IARS1: variants seen among roughly 807,000 people sequenced by gnomAD.
The protein encoded by IARS1 is isoleucine--tRNA ligase, cytoplasmic.
In IARS1, 124 loss-of-function variants were observed where a neutral mutation model predicts 168.2. That is an observed-to-expected ratio of 0.74 (90% CI 0.64 to 0.86). The LOEUF (loss-of-function observed/expected upper bound fraction) is 0.86, where lower values mean the gene tolerates loss of function less well. Ranked by LOEUF, IARS1 falls within the 40% of genes least tolerant of loss-of-function variation. The pLI, the probability that IARS1 is intolerant of heterozygous loss-of-function variation, is 0.00. For missense variants in IARS1, 1,452 were observed against 1,515.8 expected, an observed-to-expected ratio of 0.96 and a Z score of 0.70; for synonymous variants, 532 against 529.4, an observed-to-expected ratio of 1.00 and a Z score of -0.07.
intron 26 of IARS1, among the ~76,000 whole-genome samples, chr9:92,246,462 T>C (rs1829216568): frequency 6.6e-6 from 1 of 152,206 alleles, no homozygotes; most frequent in Non-Finnish European, 1.5e-5. Flanking sequence ...AAATGCTCTG[T>C]ATAGGGGTAG....
intron 33 of IARS1, among the ~76,000 whole-genome samples, chr9:92,221,779 C>T (rs1338462791): frequency 6.6e-6 from 1 of 152,042 alleles, no homozygotes. Flanking sequence ...CACAGTGTTA[C>T]GTGTCTCAAG....
At position 92,247,393 on chromosome 9, in the gene IARS1, C is replaced by G. The variant is rs1829368536; in HGVS notation, c.2775G>C (p.Glu925Asp). The G allele has an allele frequency of 1.2e-6, 2 of 1,613,804 alleles. No homozygotes were observed. The highest frequency in any genetic ancestry group is 1.7e-6 in the Non-Finnish European group (2 of 1,179,920). The part of the protein sequence containing the change: ...SIKQLSSEEL[E>D]QFQKTGTIVV... ...GACACCTACCAGTCTTCTGGAACTG[C>G]TCCAGCTCCTCACTGCTCAACTGCT... The change falls in exon 26 of 34, where the codon GAG (glutamate) becomes GAC (aspartate). Residue 925 changes from glutamate to aspartate, a missense_variant. Coordinates refer to ENST00000443024, the MANE Select transcript of IARS1 (RefSeq NM_002161.6).
intron 10 of IARS1, among the ~76,000 whole-genome samples, chr9:92,272,037 A>G (rs1397807177): frequency 6.6e-6 from 1 of 152,248 alleles, no homozygotes; most frequent in Non-Finnish European, 1.5e-5. Context: ...AATTTGATTT[A>G]TAACAGCAGC....
Position 92,244,943 on chromosome 9 carries a change from G to C in IARS1, c.2904+16C>G. 5.0e-6 allele frequency: 8 copies of C among 1,601,994 alleles called. No homozygotes were observed. The highest frequency in any genetic ancestry group is 6.8e-6 in the Non-Finnish European group (8 of 1,169,126). On this transcript the variant is annotated intron_variant, in intron 27 of 33. Coordinates refer to ENST00000443024, the MANE Select transcript of IARS1 (RefSeq NM_002161.6). The stretch of plus-strand genomic sequence containing the variant: ...CATCTCTTGGTAAAGAAATGTTCTA[G>C]GAAACAGAAAAATACCTGAGCATCT...
chr9:92,233,634 T>G (rs7048808), intron 30 of IARS1, among the ~76,000 whole-genome samples: 101,298 of 152,166 alleles, frequency 0.67, 35,694 homozygotes, highest in African/African-American at 0.91. Flanking sequence ...GGATAGAAGA[T>G]ACATTTTTAC....
intron 1 of IARS1, among the ~76,000 whole-genome samples, chr9:92,291,851 ACGAGTCAGAACCTG>A (rs1836391776): frequency 6.6e-6 from 1 of 152,172 alleles, no homozygotes; most frequent in African/African-American, 2.4e-5. Context: ...CCTCGCACCT[ACGAGTCAGAACCTG>A]CATTTTAACA....
intron 1 of IARS1, among the ~76,000 whole-genome samples, chr9:92,292,910 A>G (rs957373210): frequency 3.3e-5 from 5 of 152,192 alleles, no homozygotes; most frequent in African/African-American, 4.8e-5. Flanking sequence ...AGTGGTTCCA[A>G]TATTCTTCCC....
chr9:92,268,060 T>A, intron 14 of IARS1, 114 bp downstream of exon 14: 1 of 1,123,872 alleles, frequency 8.9e-7, no homozygotes, highest in Non-Finnish European at 1.2e-6. Context: ...GGAAAAAAGA[T>A]GAAATAAGAA....
chr9:92,222,503 G>A lies in IARS1; in HGVS notation c.3706+17C>T. ...TTTCAACAAAAATAAAAAACTTACG[G>A]TCCACAATCTCCTTACCCTGCGTTT... On this transcript the variant is annotated intron_variant, in intron 33 of 33. Coordinates refer to ENST00000443024, the MANE Select transcript of IARS1 (RefSeq NM_002161.6). 6.2e-7 allele frequency: 1 copy of A among 1,607,042 alleles called. No homozygotes were observed. Among genetic ancestry groups the A allele is most frequent in the Non-Finnish European group, 8.5e-7 (1 of 1,177,352 alleles).
In IARS1 at chr9:92,240,865, T is replaced by C. The variant is rs1255080445; in HGVS notation, c.3274A>G (p.Ser1092Gly). Residue 1092 changes from serine to glycine, a missense_variant, in exon 30 of 34, where the codon AGT (serine) becomes GGT (glycine). Ser to Gly is a moderately conservative substitution (Grantham distance 56, BLOSUM62 0). Transcript: ENST00000443024. ...YVNLNICANGSEQGGVLLLEN... is the reference protein window; with the variant it reads ...YVNLNICANGGEQGGVLLLEN... Reference sequence around the variant, plus strand: ...TGGAATTTACTCTTACCTTGTTCACTGCCATTTGCACAAATGTTAAGATTG... The same window carrying C: ...TGGAATTTACTCTTACCTTGTTCACCGCCATTTGCACAAATGTTAAGATTG... The C allele has an allele frequency of 6.2e-7, 1 of 1,602,436 alleles. No individual in the cohort carries two copies. The highest frequency in any genetic ancestry group is 8.6e-7 in the Non-Finnish European group (1 of 1,169,328).
chr9:92,292,454 G>A (rs1050057298), intron 1 of IARS1: 5 of 154,846 alleles, frequency 3.2e-5, no homozygotes, highest in African/African-American at 9.6e-5. Flanking sequence ...TGACTATTCA[G>A]GAAGAATCAT....
chr9:92,234,542 T>C (rs771247701), intron 30 of IARS1, among the ~76,000 whole-genome samples: 1 of 152,194 alleles, frequency 6.6e-6, no homozygotes, highest in Non-Finnish European at 1.5e-5. Flanking sequence ...GCCCTACCTG[T>C]CTTATCACTG....
intron 6 of IARS1, among the ~76,000 whole-genome samples, chr9:92,281,977 T>C (rs1352549283): frequency 1.3e-5 from 2 of 151,906 alleles, no homozygotes; most frequent in South Asian, 4.2e-4. Context: ...TCTTTCCTTC[T>C]TTTTTTCTTG....
chr9:92,249,495 G>C (rs192856139), intron 25 of IARS1, among the ~76,000 whole-genome samples: 1 of 152,226 alleles, frequency 6.6e-6, no homozygotes, highest in East Asian at 1.9e-4. Context: ...GGAGGTTGTG[G>C]TAAGGCACTA....
intron 20 of IARS1, 87 bp downstream of exon 20, chr9:92,256,593 C>T (rs1285169062): frequency 1.6e-6 from 2 of 1,268,660 alleles, no homozygotes; most frequent in Non-Finnish European, 2.2e-6. Context: ...TTCTGTATCT[C>T]TCAATATTTC....
chr9:92,236,016 T>C (rs2133551442), intron 30 of IARS1, among the ~76,000 whole-genome samples: 1 of 152,216 alleles, frequency 6.6e-6, no homozygotes, highest in Non-Finnish European at 1.5e-5. Context: ...AGTCTCGCTG[T>C]TGTCGGCCTG....
chr9:92,282,248 T>C (rs1205385368), intron 6 of IARS1, among the ~76,000 whole-genome samples: 1 of 152,140 alleles, frequency 6.6e-6, no homozygotes, highest in African/African-American at 2.4e-5. Flanking sequence ...AGTTGAAGGA[T>C]ATAAAGAACT....
chr9:92,258,970 T>C lies in IARS1; in HGVS notation c.1900A>G (p.Arg634Gly), dbSNP rs772253778. ...RLYLINSPVV[R>G]AENLRFKEEG... ...TCTTTAAAGCGGAGGTTTTCTGCTC[T>C]CACCACAGGGGAGTTAATCAGATAT... is the stretch of plus-strand genomic sequence containing the variant. The change falls in exon 19 of 34, where the codon AGA (arginine) becomes GGA (glycine). Residue 634 changes from arginine (R) to glycine (G), a missense_variant. Arg to Gly is a moderately radical substitution (Grantham distance 125). Transcript: ENST00000443024. The C allele has an allele frequency of 1.2e-6, 2 of 1,612,784 alleles. No homozygotes were observed. The highest frequency in any genetic ancestry group is 1.3e-5 in the African/African-American group (1 of 74,840).
In IARS1 at chr9:92,289,368, T is replaced by C. The variant is rs761096790; in HGVS notation, c.52A>G (p.Ile18Val). 7.9e-5 allele frequency: 126 copies of C among 1,597,608 alleles called. No homozygotes were observed. The highest frequency in any genetic ancestry group is 1.7e-4 in the Admixed American group (10 of 59,486). Residue 18 changes from isoleucine (I) to valine (V), a missense_variant, in exon 2 of 34, where the codon ATC (isoleucine) becomes GTC (valine). Transcript: ENST00000443024. ...NINFPAEEEK[I>V]LEFWTEFNCF... The stretch of plus-strand genomic sequence containing the variant: ...TTAAATTCAGTCCAAAACTCCAAGA[T>C]TTTCTCTTCTTCAGCAGGAAAATTT...
Sources: allele counts gnomAD v4.1 joint callset (sites outside exome capture counted in the v4.1 genomes callset), GRCh38; gene constraint gnomAD v4.1.1; transcripts MANE v1.5; gene names NCBI Gene and HGNC (gene_info 2026-07-23, HGNC 2026-07-21).